Variants in MACROD2 observed in about 807,000 individuals in gnomAD.
The protein encoded by MACROD2 is ADP-ribose glycohydrolase MACROD2.
A neutral mutation model predicts 70.4 loss-of-function variants in MACROD2; 36 were observed. The observed-to-expected ratio is 0.51, with a 90% confidence interval of 0.39 to 0.68. The LOEUF is 0.68. Ranked by LOEUF, MACROD2 falls within the 30% of genes least tolerant of loss-of-function variation. The pLI is 0.00. For synonymous variants in MACROD2, 172 were observed against 178.8 expected (o/e 0.96, Z 0.30); for missense variants, 496 against 538.4 (o/e 0.92, Z 0.78).
At chr20:15,249,788 GA>G (rs2077138728) in intron 6 of MACROD2, among the ~76,000 whole-genome samples, 1 of 152,172 alleles carries the variant, frequency 6.6e-6, no homozygotes, top group African/African-American at 2.4e-5. Flanking sequence ...AATCCATGTG[GA>G]AAAGGAAACA....
At chr20:15,053,898 A>G (rs562059963) in intron 5 of MACROD2, among the ~76,000 whole-genome samples, 1 of 152,334 alleles carries the variant, frequency 6.6e-6, no homozygotes, top group South Asian at 2.1e-4. Flanking sequence ...ATCAACATGA[A>G]CAGGAGCTTG....
chr20:15,871,429 T>A (rs1003420051), intron 9 of MACROD2, among the ~76,000 whole-genome samples: 1 of 152,178 alleles, frequency 6.6e-6, no homozygotes, highest in Admixed American at 6.5e-5. Flanking sequence ...TATCTTTCTA[T>A]CAGTTGTCAA....
chr20:15,393,436 T>C (rs1228438363), intron 6 of MACROD2, among the ~76,000 whole-genome samples: 1 of 152,212 alleles, frequency 6.6e-6, no homozygotes, highest in East Asian at 1.9e-4. Flanking sequence ...GCCAAAGTTA[T>C]CTTTGACTCT....
chr20:16,000,840 A>C (rs1431786111), intron 15 of MACROD2, among the ~76,000 whole-genome samples: 1 of 152,228 alleles, frequency 6.6e-6, no homozygotes, highest in Non-Finnish European at 1.5e-5. Flanking sequence ...ATGGATGTTT[A>C]TGTATACATT....
chr20:14,916,178 T>C (rs551647807), intron 5 of MACROD2, among the ~76,000 whole-genome samples: 1 of 152,294 alleles, frequency 6.6e-6, no homozygotes, highest in South Asian at 2.1e-4. Flanking sequence ...GGCAGCATCA[T>C]GAAACGCAGA....
chr20:15,264,049 C>A (rs1250494551), intron 6 of MACROD2, among the ~76,000 whole-genome samples: 2 of 152,048 alleles, frequency 1.3e-5, no homozygotes, highest in African/African-American at 4.8e-5. Flanking sequence ...GACTTATAAG[C>A]AATTGATACT....
At chr20:15,315,515 C>T (rs1387445391) in intron 6 of MACROD2, among the ~76,000 whole-genome samples, 1 of 151,928 alleles carries the variant, frequency 6.6e-6, no homozygotes, top group East Asian at 1.9e-4. Flanking sequence ...TCCATGGAAG[C>T]CAGAGAGAGC....
At chr20:14,797,683 A>G (rs1397447414) in intron 5 of MACROD2, among the ~76,000 whole-genome samples, 1 of 152,082 alleles carries the variant, frequency 6.6e-6, no homozygotes, top group Non-Finnish European at 1.5e-5. Context: ...CACAGCACAT[A>G]TAGCTGTAGA....
intron 8 of MACROD2, among the ~76,000 whole-genome samples, chr20:15,629,538 C>G (rs2146748101): frequency 6.6e-6 from 1 of 152,304 alleles, no homozygotes. Context: ...TTCAAATAAC[C>G]TCTCCTGATA....
chr20:15,313,277 C>T (rs575689995), intron 6 of MACROD2, among the ~76,000 whole-genome samples: 40 of 151,938 alleles, frequency 2.6e-4, no homozygotes, highest in Middle Eastern at 3.4e-3. Flanking sequence ...GAGGCCGAGG[C>T]GGGTGGATCA....
chr20:15,051,987 G>C (rs180952184), intron 5 of MACROD2, among the ~76,000 whole-genome samples: 4 of 152,212 alleles, frequency 2.6e-5, no homozygotes, highest in African/African-American at 9.6e-5. Context: ...TTTTGACCTT[G>C]TGATCCGCCC....
At chr20:15,153,312 G>T (rs2076284717) in intron 5 of MACROD2, among the ~76,000 whole-genome samples, 1 of 152,078 alleles carries the variant, frequency 6.6e-6, no homozygotes, top group Admixed American at 6.6e-5. Flanking sequence ...AATGAAAAAG[G>T]GGGGTTGTTC....
intron 3 of MACROD2, among the ~76,000 whole-genome samples, chr20:14,370,063 C>G (rs1600169671): frequency 2.0e-5 from 3 of 152,114 alleles, no homozygotes; most frequent in Admixed American, 2.0e-4. Flanking sequence ...ATAGAGTCTT[C>G]AAGACCTTAT....
At chr20:14,362,760 A>C (rs954583807) in intron 3 of MACROD2, among the ~76,000 whole-genome samples, 1 of 152,168 alleles carries the variant, frequency 6.6e-6, no homozygotes, top group African/African-American at 2.4e-5. Flanking sequence ...CCTGTGAATG[A>C]AAACCAGATG....
rs542478398 is a variant in MACROD2, at chr20:14,276,573, C to G, written c.271+190845C>G. ...AGCACACCAGCATGGCACATGTTTA[C>G]ATATGTAACTAACCTGCACATTGTG... is the stretch of plus-strand genomic sequence containing the variant. On this transcript the variant is annotated intron_variant, in intron 3 of 17. Transcript: ENST00000684519. 4.7e-3 allele frequency among the ~76,000 whole-genome samples: 716 copies of G among 151,478 alleles called. 9 individuals carry two copies. Among genetic ancestry groups the G allele is most frequent in the African/African-American group, 0.016 (679 of 41,304 alleles).
intron 5 of MACROD2, among the ~76,000 whole-genome samples, chr20:14,787,290 A>G (rs1323603855): frequency 6.6e-6 from 1 of 151,470 alleles, no homozygotes; most frequent in Non-Finnish European, 1.5e-5. Context: ...GTCATTGAAT[A>G]TATTGTAACG....
intron 3 of MACROD2, among the ~76,000 whole-genome samples, chr20:14,120,305 A>G (rs1329303437): frequency 6.6e-6 from 1 of 152,078 alleles, no homozygotes; most frequent in Non-Finnish European, 1.5e-5. Context: ...AGAAATGCAC[A>G]ACAAAACCAC....
At chr20:14,916,950 G>A (rs931162141) in intron 5 of MACROD2, among the ~76,000 whole-genome samples, 7 of 151,872 alleles carry the variant, frequency 4.6e-5, no homozygotes, top group African/African-American at 1.7e-4. Context: ...GATAATGGGG[G>A]AAAAATAGGC....
At chr20:14,319,774 T>TC (rs1193814854) in intron 3 of MACROD2, among the ~76,000 whole-genome samples, 3 of 152,174 alleles carry the variant, frequency 2.0e-5, no homozygotes, top group African/African-American at 4.8e-5. Flanking sequence ...TCCTCTGCAA[T>TC]CCCCCCCTTT....
Sources: allele counts gnomAD v4.1 joint callset (sites outside exome capture counted in the v4.1 genomes callset), GRCh38; gene constraint gnomAD v4.1.1; transcripts MANE v1.5; gene names NCBI Gene and HGNC (gene_info 2026-07-23, HGNC 2026-07-21).